Variants in REV3L observed in about 807,000 individuals in gnomAD.
REV3L encodes REV3 like, DNA directed polymerase zeta catalytic subunit, also known as DNA polymerase zeta catalytic subunit.
A neutral mutation model predicts 299.4 loss-of-function variants in REV3L; 69 were observed. That is an observed-to-expected ratio of 0.23 (90% CI 0.19 to 0.28). The LOEUF (loss-of-function observed/expected upper bound fraction) is 0.28. REV3L is among the 10% of genes least tolerant of loss of function. The pLI is 1.00. For synonymous variants in REV3L, 1,238 were observed against 1,271.4 expected (o/e 0.97, Z 0.56); for missense variants, 3,128 against 3,693.8 (o/e 0.85, Z 3.97).
rs758304993 is a variant in REV3L, at chr6:111,309,917, G to C, written c.8978C>G (p.Pro2993Arg). The C allele has an allele frequency of 8.1e-6, 13 of 1,614,064 alleles. No individual in the cohort carries two copies. The highest frequency in any genetic ancestry group is 1.1e-5 in the Non-Finnish European group (13 of 1,179,992). ...AATAAGTGAGAAGATTCTTGCCAAG[G>C]GTGGAAGGATTTGCTTGGTAATATA... The part of the protein sequence containing the change: ...TYYITKQILP[P>R]LARIFSLIGI... Residue 2993 changes from proline (P) to arginine (R), a missense_variant, in exon 30 of 32, where the codon CCC becomes CGC. Pro to Arg is a moderately radical substitution (Grantham distance 103, BLOSUM62 -2). Around this residue, in one of 9 missense-constraint regions of REV3L, gnomAD observed 294 missense variants for 377.0 expected, o/e 0.78. Coordinates refer to ENST00000368802, the MANE Select transcript of REV3L (RefSeq NM_001372078.1).
chr6:111,455,606 T>C (rs532111879), intron 1 of REV3L, among the ~76,000 whole-genome samples: 2 of 152,184 alleles, frequency 1.3e-5, no homozygotes, highest in African/African-American at 4.8e-5. Flanking sequence ...TGATGATCCA[T>C]GCAAAAATAA....
At chr6:111,474,436 T>C (rs1792653862) in intron 1 of REV3L, among the ~76,000 whole-genome samples, 1 of 152,218 alleles carries the variant, frequency 6.6e-6, no homozygotes, top group Admixed American at 6.5e-5. Context: ...AACAATTCCA[T>C]GATCCCTTTC....
intron 9 of REV3L, among the ~76,000 whole-genome samples, chr6:111,385,299 A>G (rs1015090642): frequency 7.9e-5 from 12 of 152,064 alleles, no homozygotes; most frequent in African/African-American, 2.9e-4. Flanking sequence ...GGTTATGGAT[A>G]CCCCATTTAT....
chr6:111,301,107 C>CTTATGCAGTTGTAGACA (rs548496506), intron 31 of REV3L, among the ~76,000 whole-genome samples: 387 of 152,302 alleles, frequency 2.5e-3, no homozygotes, highest in Non-Finnish European at 4.7e-3. Context: ...GAGTGTCTGT[C>CTTATGCAGTTGTAGACA]TTATGCAGTT....
At chr6:111,342,639 G>A (rs1776635238) in intron 21 of REV3L, among the ~76,000 whole-genome samples, 1 of 150,218 alleles carries the variant, frequency 6.7e-6, no homozygotes, top group Non-Finnish European at 1.5e-5. Flanking sequence ...CTGCACTCCA[G>A]CCTGGGTGAC....
At chr6:111,450,478 CAAAAAAAAAAAAAAAA>C (rs869119350) in intron 1 of REV3L, among the ~76,000 whole-genome samples, 1 of 54,114 alleles carries the variant, frequency 1.8e-5, no homozygotes, top group South Asian at 9.5e-4. Context: ...GACCCTGTCT[CAAAAAAAAAAAAAAAA>C]AAAAAAAAAA....
At chr6:111,413,723 G>T (rs998893097) in intron 2 of REV3L, among the ~76,000 whole-genome samples, 1 of 151,918 alleles carries the variant, frequency 6.6e-6, no homozygotes. Context: ...AAAGAAAACT[G>T]CAATGAAAAA....
In REV3L at chr6:111,373,179, C is replaced by T; in HGVS notation, c.5176G>A (p.Glu1726Lys). The change falls in exon 13 of 32, where the codon GAA becomes AAA. Residue 1726 changes from glutamate (E) to lysine (K), a missense_variant. Around this residue, in one of 9 missense-constraint regions of REV3L, gnomAD observed 2,409 missense variants for 2,611.8 expected, o/e 0.92. Transcript: ENST00000368802. ...TCTATGGTTGACTTCTCAAAAATTT[C>T]AGGACTTAAAGTACCAGATCTAATC... ...SWIRSGTLSP[E>K]IFEKSTIDSN... 1 of 1,614,140 alleles carries T rather than the reference C, an allele frequency of 6.2e-7. No homozygotes were observed. Among genetic ancestry groups the T allele is most frequent in the Non-Finnish European group, 8.5e-7 (1 of 1,180,002 alleles).
intron 1 of REV3L, among the ~76,000 whole-genome samples, chr6:111,438,927 C>CAA (rs34014721): frequency 2.9e-4 from 44 of 151,678 alleles, no homozygotes; most frequent in East Asian, 1.2e-3. Context: ...TATTAAAAGA[C>CAA]AAAAAAAACA....
chr6:111,303,816 T>C (rs1236449983), intron 31 of REV3L, among the ~76,000 whole-genome samples: 2 of 148,234 alleles, frequency 1.3e-5, no homozygotes, highest in Non-Finnish European at 3.0e-5. Flanking sequence ...GCCTCCTGGG[T>C]TCAAGTGATT....
chr6:111,418,147 A>T (rs970404734), intron 1 of REV3L, among the ~76,000 whole-genome samples: 76 of 152,324 alleles, frequency 5.0e-4, no homozygotes, highest in African/African-American at 1.8e-3. Context: ...CTGGTATGCT[A>T]AACTACAGGT....
In REV3L at chr6:111,367,977, C is replaced by T; in HGVS notation, c.5811G>A (p.Leu1937=). The T allele has an allele frequency of 6.2e-7, 1 of 1,612,970 alleles. No individual in the cohort carries two copies. The highest frequency in any genetic ancestry group is 8.5e-7 in the Non-Finnish European group (1 of 1,179,652). The change falls in exon 14 of 32, where the codon CTG becomes CTA. Residue 1937 remains leucine, a synonymous_variant. Transcript: ENST00000368802. The stretch of plus-strand genomic sequence containing the variant: ...AGGAAAAGTCTCCCTCAAACTCAGC[C>T]AGATCATTTGCAAGTCGAGTTTCTA... ...LMVETRLAND[L]AEFEGDFSLE...
At chr6:111,307,641 A>G in intron 30 of REV3L, 71 bp from the exon 31 acceptor site, 1 of 1,418,104 alleles carries the variant, frequency 7.1e-7, no homozygotes, top group East Asian at 2.3e-5. Context: ...CATGCTAATT[A>G]CAGGTTTACT....
intron 3 of REV3L, among the ~76,000 whole-genome samples, chr6:111,406,058 C>A (rs559014729): frequency 1.3e-5 from 2 of 151,750 alleles, no homozygotes; most frequent in Non-Finnish European, 2.9e-5. Flanking sequence ...TTCATGATGA[C>A]GAATACAAAC....
chr6:111,483,399 G>T (rs1794018079), upstream of REV3L: 1 of 446,924 alleles, frequency 2.2e-6, no homozygotes, highest in Non-Finnish European at 4.0e-6. Flanking sequence ...CGAGGGAGGC[G>T]GCCGGCGGCC....
At chr6:111,333,468 A>G in intron 22 of REV3L, 101 bp from the exon 23 acceptor site, 13 of 1,365,202 alleles carry the variant, frequency 9.5e-6, no homozygotes, top group Non-Finnish European at 1.3e-5. Context: ...TCAGAATAAG[A>G]TTGTATGACT....
At position 111,422,253 on chromosome 6, in the gene REV3L, C is replaced by T. The variant is rs1785440818; in HGVS notation, c.140-5781G>A. On this transcript the variant is annotated intron_variant, in intron 1 of 31. Coordinates refer to ENST00000368802, the MANE Select transcript of REV3L (RefSeq NM_001372078.1). The stretch of plus-strand genomic sequence containing the variant: ...CTCTGTAGCAAATCCTGCTTCCTGC[C>T]TGATTTTCTAAATAAAGTTTTATAA... 3.3e-5 allele frequency among the ~76,000 whole-genome samples: 5 copies of T among 152,106 alleles called. No homozygotes were observed. In the South Asian group the frequency reaches 1.0e-3, roughly 32 times the overall value.
chr6:111,416,944 T>C (rs186809846), intron 1 of REV3L, among the ~76,000 whole-genome samples: 2 of 152,124 alleles, frequency 1.3e-5, no homozygotes, highest in Admixed American at 1.3e-4. Flanking sequence ...GTAAAAGCAG[T>C]TCCAGTGTGC....
chr6:111,394,464 G>A (rs1782263871), intron 4 of REV3L, among the ~76,000 whole-genome samples: 1 of 151,722 alleles, frequency 6.6e-6, no homozygotes, highest in African/African-American at 2.4e-5. Flanking sequence ...ATTCAGATAC[G>A]AAACTATTTT....
Sources: gnomAD v4.1 joint callset for allele counts (sites outside exome capture counted in the v4.1 genomes callset) on GRCh38, gnomAD v4.1.1 for gene constraint, gnomAD v4.1.1 regional missense constraint, MANE v1.5 for transcripts, NCBI Gene and HGNC (gene_info 2026-07-23, HGNC 2026-07-21) for gene names.